Variants in F13A1 observed in about 807,000 individuals in gnomAD.
The protein encoded by F13A1 is coagulation factor XIII A chain.
A neutral mutation model predicts 80.1 loss-of-function variants in F13A1; 47 were observed. That is an observed-to-expected ratio of 0.59 (90% CI 0.46 to 0.75). The LOEUF is 0.75. F13A1 is among the 30% of genes least tolerant of loss of function. F13A1 has a pLI of 0.00. For missense variants in F13A1, 817 were observed against 930.4 expected (o/e 0.88, Z 1.59); for synonymous variants, 349 against 344.9 (o/e 1.01, Z -0.13).
intron 8 of F13A1, among the ~76,000 whole-genome samples, chr6:6,219,124 G>A (rs558408219): frequency 1.8e-4 from 27 of 152,212 alleles, no homozygotes; most frequent in South Asian, 4.2e-4. Flanking sequence ...AACCAGGAGC[G>A]GGGAAGACAG....
chr6:6,193,695 G>T (rs1360091628), intron 10 of F13A1, among the ~76,000 whole-genome samples: 2 of 152,314 alleles, frequency 1.3e-5, no homozygotes, highest in East Asian at 3.9e-4. Flanking sequence ...TGCATTTACA[G>T]CTATTAGGCA....
intron 6 of F13A1, among the ~76,000 whole-genome samples, chr6:6,240,342 G>T (rs1757468765): frequency 6.6e-6 from 1 of 152,144 alleles, no homozygotes; most frequent in African/African-American, 2.4e-5. Context: ...AGAGAAAAAA[G>T]ATAATGTCTG....
intron 6 of F13A1, among the ~76,000 whole-genome samples, chr6:6,236,974 A>C (rs1622769): frequency 6.6e-6 from 1 of 151,986 alleles, no homozygotes; most frequent in Non-Finnish European, 1.5e-5. Flanking sequence ...GTGGATGTCA[A>C]ATTGTGCTTC....
chr6:6,249,645 T>C (rs1757603034), intron 5 of F13A1, among the ~76,000 whole-genome samples: 1 of 152,130 alleles, frequency 6.6e-6, no homozygotes, highest in South Asian at 2.1e-4. Context: ...TGATGACTTT[T>C]CCCCTTGTTA....
intron 3 of F13A1, among the ~76,000 whole-genome samples, chr6:6,270,305 A>G (rs1057062129): frequency 2.6e-5 from 4 of 152,202 alleles, no homozygotes; most frequent in African/African-American, 9.7e-5. Flanking sequence ...CCTTCCAAGG[A>G]GAAATATGTT....
intron 13 of F13A1, among the ~76,000 whole-genome samples, chr6:6,161,483 G>A (rs1162870475): frequency 6.6e-6 from 1 of 150,964 alleles, no homozygotes; most frequent in Non-Finnish European, 1.5e-5. Context: ...TAATCATAGT[G>A]TATTCACTTT....
intron 4 of F13A1, among the ~76,000 whole-genome samples, chr6:6,265,027 C>G (rs1027323642): frequency 1.4e-4 from 22 of 152,146 alleles, no homozygotes; most frequent in Non-Finnish European, 2.6e-4. Flanking sequence ...TTGGGAGGCT[C>G]AGGCAGGAGC....
At chr6:6,313,007 CTG>C (rs1487695823) in intron 2 of F13A1, among the ~76,000 whole-genome samples, 1 of 152,142 alleles carries the variant, frequency 6.6e-6, no homozygotes, top group African/African-American at 2.4e-5. Flanking sequence ...CTGAAGATGA[CTG>C]TATAAAATAT....
intron 3 of F13A1, among the ~76,000 whole-genome samples, chr6:6,298,806 G>T (rs1259795): frequency 8.0e-4 from 116 of 144,776 alleles, no homozygotes; most frequent in African/African-American, 2.3e-3. Context: ...GTTAGCTGGT[G>T]ATTTTGCTCA....
chr6:6,251,563 C>A (rs993147397), intron 4 of F13A1, among the ~76,000 whole-genome samples: 5 of 152,118 alleles, frequency 3.3e-5, no homozygotes, highest in Non-Finnish European at 7.4e-5. Flanking sequence ...TCATCCTCCC[C>A]GTCTATCATC....
rs3024460 is a variant in F13A1, at chr6:6,146,088, T to C, written c.2046-316A>G. Among the ~76,000 whole-genome samples, 27,335 of 152,074 alleles carry C rather than the reference T, an allele frequency of 0.18. 2,714 individuals carry two copies. Among genetic ancestry groups the C allele is most frequent in the African/African-American group, 0.25 (10,306 of 41,472 alleles). ...TTAATCAACTGAACTCTAGCTTGTC[T>C]CCAAGCCCTCCATAGTAGCCTTATC... On this transcript the variant is annotated intron_variant, in intron 14 of 14. Coordinates refer to ENST00000264870, the MANE Select transcript of F13A1 (RefSeq NM_000129.4).
At chr6:6,200,532 C>T in intron 8 of F13A1, among the ~76,000 whole-genome samples, 1 of 138,346 alleles carries the variant, frequency 7.2e-6, no homozygotes, top group Non-Finnish European at 1.5e-5. Context: ...TCCTGGAAGA[C>T]AGAGTGAGAC....
chr6:6,206,515 C>T (rs1327667221), intron 8 of F13A1: 2 of 478,364 alleles, frequency 4.2e-6, no homozygotes, highest in South Asian at 1.5e-5. Flanking sequence ...CCCAAACTCC[C>T]CTTGGTTTAC....
chr6:6,183,491 C>T (rs1228585422), intron 10 of F13A1, among the ~76,000 whole-genome samples: 1 of 152,142 alleles, frequency 6.6e-6, no homozygotes, highest in Non-Finnish European at 1.5e-5. Flanking sequence ...TCAGAGTCAC[C>T]TGGAGAACTT....
chr6:6,285,620 G>A (rs1281779498), intron 3 of F13A1, among the ~76,000 whole-genome samples: 5 of 152,194 alleles, frequency 3.3e-5, no homozygotes, highest in Admixed American at 1.3e-4. Flanking sequence ...TCTAACAAAT[G>A]AGTAAATACC....
intron 3 of F13A1, among the ~76,000 whole-genome samples, chr6:6,288,219 C>T (rs541507075): frequency 1.3e-5 from 2 of 152,128 alleles, no homozygotes; most frequent in African/African-American, 2.4e-5. Context: ...ATATACAATA[C>T]ATTATTTTAA....
Position 6,177,424 on chromosome 6 carries a change from C to G in F13A1, c.1460-2557G>C, listed in dbSNP as rs553710257. Among the ~76,000 whole-genome samples, 11 of 152,324 alleles carry G rather than the reference C, an allele frequency of 7.2e-5. No individual in the cohort carries two copies. In the South Asian group the frequency reaches 1.4e-3, roughly 20 times the overall value. ...TTACTGTGTGACATTATCTTCCTTGCTGGAATGCAAGCTCCATGAGAACAG... is the reference window on the plus strand; with the variant it reads ...TTACTGTGTGACATTATCTTCCTTGGTGGAATGCAAGCTCCATGAGAACAG... On this transcript the variant is annotated intron_variant, in intron 11 of 14. Coordinates refer to ENST00000264870, the MANE Select transcript of F13A1 (RefSeq NM_000129.4).
rs547446984 is a variant in F13A1, at chr6:6,195,716, A to C, written c.1305+81T>G. ...TACGCTATGTACCTGGAAAACTTAG[A>C]AACAACAACTTTTAGCTTACTCTTT... On this transcript the variant is annotated intron_variant, in intron 10 of 14. Transcript: ENST00000264870. The C allele has an allele frequency of 3.0e-6, 4 of 1,350,196 alleles. No homozygotes were observed. The African/African-American group carries it at 5.7e-5, about 19-fold the overall frequency. The allele number at this position is 1,350,196 out of a possible 1,614,324, so 83.6% of individuals were successfully genotyped here. A position where few individuals can be genotyped will look rare whatever the true frequency, so the allele number is the denominator to read the frequency against.
chr6:6,217,136 T>A (rs1275535728), intron 8 of F13A1, among the ~76,000 whole-genome samples: 1 of 148,888 alleles, frequency 6.7e-6, no homozygotes. Flanking sequence ...CTCAGGGATC[T>A]AGAACCAGAA....
Sources: allele counts gnomAD v4.1 joint callset (sites outside exome capture counted in the v4.1 genomes callset), GRCh38; gene constraint gnomAD v4.1.1; transcripts MANE v1.5; gene names NCBI Gene and HGNC (gene_info 2026-07-23, HGNC 2026-07-21).